Variants in MADD observed in about 807,000 individuals in gnomAD.
MADD encodes MAP kinase activating death domain.
MADD carries 109 observed loss-of-function variants against 176.7 expected under a neutral mutation model. The ratio of observed to expected loss-of-function variants is 0.62; its 90% confidence interval spans 0.53 to 0.72. MADD has a LOEUF of 0.72. MADD is among the 30% of genes least tolerant of loss of function. The pLI is 0.00. For synonymous variants in MADD, 771 were observed against 771.3 expected, an observed-to-expected ratio of 1.00 and a Z score of 0.01; for missense variants, 1,914 against 2,045.5, an observed-to-expected ratio of 0.94 and a Z score of 1.24.
At chr11:47,316,687 C>A (rs1475115647) in intron 27 of MADD, among the ~76,000 whole-genome samples, 1 of 152,104 alleles carries the variant, frequency 6.6e-6, no homozygotes, top group Non-Finnish European at 1.5e-5. Flanking sequence ...GTGCACCCGG[C>A]CTTCCAGTGG....
chr11:47,313,881 T>TCC (rs1242712091), intron 26 of MADD, among the ~76,000 whole-genome samples: 1 of 152,010 alleles, frequency 6.6e-6, no homozygotes, highest in Non-Finnish European at 1.5e-5. Flanking sequence ...TGCCTCAGCC[T>TCC]CATGAGTAGC....
Position 47,286,472 on chromosome 11 carries a change from C to A in MADD, c.2591C>A (p.Ser864Ter), listed in dbSNP as rs369335275. 2.5e-6 allele frequency: 4 copies of A among 1,614,074 alleles called. No homozygotes were observed. The highest frequency in any genetic ancestry group is 3.4e-6 in the Non-Finnish European group (4 of 1,180,022). ...AACCACAGTACCAGCTTCAGTCTTTCAAACCTCACACTGCCCACCAAAGGT... is the reference window on the plus strand; with the variant it reads ...AACCACAGTACCAGCTTCAGTCTTTAAAACCTCACACTGCCCACCAAAGGT... Residue 864 changes from serine to a stop codon, truncating the protein, a stop_gained, in exon 15 of 33, where the codon TCA becomes TAA. Coordinates refer to ENST00000402192, the Ensembl canonical transcript of MADD. LOFTEE classifies it high-confidence loss of function.
At position 47,275,972 on chromosome 11, in the gene MADD, C is replaced by T. The variant is rs1342150584; in HGVS notation, c.733C>T (p.Arg245Ter). ...GTCAAGTGCCCTTCTGCATGACCTT[C>T]GAGAGATTGAGGCCTGGATCTATCG... Residue 245 changes from arginine to a stop codon, truncating the protein, a stop_gained, in exon 4 of 33, where the codon CGA becomes TGA. Coordinates refer to ENST00000402192, the Ensembl canonical transcript of MADD. LOFTEE classifies it high-confidence loss of function. 4.3e-6 allele frequency: 7 copies of T among 1,614,080 alleles called. No homozygotes were observed. The highest frequency in any genetic ancestry group is 1.7e-5 in the Admixed American group (1 of 60,004).
exon 3 of MADD, chr11:47,274,916 G>T: frequency 6.2e-7 from 1 of 1,613,812 alleles, no homozygotes; most frequent in Non-Finnish European, 8.5e-7. Flanking sequence ...TCAGAGAGTG[G>T]CTCATCCCTG....
chr11:47,276,184 C>T (rs1054434315), exon 4 of MADD: 11 of 1,610,512 alleles, frequency 6.8e-6, no homozygotes, highest in African/African-American at 1.3e-5. Context: ...TGCTAACCTG[C>T]ATTCTGTTAG....
chr11:47,299,584 G>GTTT (rs1565442765), intron 22 of MADD, among the ~76,000 whole-genome samples: 14 of 65,230 alleles, frequency 2.1e-4, no homozygotes, highest in Non-Finnish European at 2.5e-4. Context: ...AGATTTTAGG[G>GTTT]CTTTTTTTTT....
chr11:47,303,239 G>GT (rs35658298), intron 22 of MADD, among the ~76,000 whole-genome samples: 29,985 of 108,244 alleles, frequency 0.28, 5,429 homozygotes, highest in Non-Finnish European at 0.38. Flanking sequence ...TTCTCTTGCT[G>GT]TTTTTTTTTT....
chr11:47,327,699 C>A, intron 31 of MADD: 1 of 985,452 alleles, frequency 1.0e-6, no homozygotes, highest in Non-Finnish European at 1.2e-6. Context: ...CCTGGGGCTT[C>A]TTGCTCTACC....
At chr11:47,284,536 C>T (rs768749519) in exon 12 of MADD, 1 of 1,614,080 alleles carries the variant, frequency 6.2e-7, no homozygotes, top group African/African-American at 1.3e-5. Flanking sequence ...CAGCAGCAGC[C>T]CCAGCACTGT....
chr11:47,276,314 T>C (rs894726863), intron 4 of MADD, 112 bp downstream of exon 4: 6 of 1,076,840 alleles, frequency 5.6e-6, no homozygotes, highest in Non-Finnish European at 7.8e-6. Context: ...CTTTTTGTCT[T>C]CAGGAGGTAA....
intron 22 of MADD, among the ~76,000 whole-genome samples, chr11:47,299,038 A>G (rs1024021836): frequency 8.5e-5 from 13 of 152,144 alleles, no homozygotes; most frequent in Admixed American, 1.3e-4. Flanking sequence ...CCATTGGTCT[A>G]TGGGTCTGTT....
intron 25 of MADD, among the ~76,000 whole-genome samples, chr11:47,310,150 A>C (rs919568640): frequency 6.7e-6 from 1 of 149,120 alleles, no homozygotes; most frequent in African/African-American, 2.5e-5. Context: ...CCAAGAACTG[A>C]TGATTCCATA....
At chr11:47,288,374 AAAAGG>A (rs2062392519) in intron 15 of MADD, among the ~76,000 whole-genome samples, 1 of 152,260 alleles carries the variant, frequency 6.6e-6, no homozygotes. Flanking sequence ...ATAAATGGGC[AAAAGG>A]ACATCAGAGC....
In MADD at chr11:47,325,965, A is replaced by G. The variant is rs572112362; in HGVS notation, c.4543-773A>G. ...AGCGACCTGCCCCCTATTCTGCCAC[A>G]CAGTGTTCAGTTGGAGTGGAGGAGG... is the stretch of plus-strand genomic sequence containing the variant. On this transcript the variant is annotated intron_variant, in intron 30 of 32. Coordinates refer to ENST00000402192, the Ensembl canonical transcript of MADD. The surrounding 1 kb of genome is among the most constrained non-coding windows in gnomAD (Gnocchi z 4.5). Among the ~76,000 whole-genome samples the G allele has an allele frequency of 9.8e-5, 15 of 152,332 alleles. No homozygotes were observed. Among genetic ancestry groups the G allele is most frequent in the South Asian group, 8.3e-4 (4 of 4,828 alleles).
chr11:47,306,921 C>T (rs1037751316), intron 22 of MADD, among the ~76,000 whole-genome samples: 1 of 152,018 alleles, frequency 6.6e-6, no homozygotes, highest in African/African-American at 2.4e-5. Context: ...AGGTCTTGCT[C>T]TGGTGCCCAG....
chr11:47,324,575 C>T lies in MADD; in HGVS notation c.4540C>T (p.Gln1514Ter). 6 of 1,609,948 alleles carry T rather than the reference C, an allele frequency of 3.7e-6. No individual in the cohort carries two copies. Among genetic ancestry groups the T allele is most frequent in the Non-Finnish European group, 4.2e-6 (5 of 1,176,910 alleles). The stretch of plus-strand genomic sequence containing the variant: ...GATCAACCTCAAATTCATGCACAAT[C>T]AGGTAGGTGCGAGCGGCAGCACGAG... Residue 1514 changes from glutamine (Q) to a stop codon, truncating the protein, a stop_gained and splice_region_variant, in exon 30 of 33, where the codon CAG becomes TAG. Coordinates refer to ENST00000402192, the Ensembl canonical transcript of MADD. LOFTEE classifies it high-confidence loss of function.
At chr11:47,327,884 C>T in intron 31 of MADD, 1 of 985,360 alleles carries the variant, frequency 1.0e-6, no homozygotes, top group African/African-American at 1.7e-5. Flanking sequence ...GGGCCTACTC[C>T]TTCCTCTGGC....
intron 22 of MADD, among the ~76,000 whole-genome samples, chr11:47,304,947 A>G (rs972915963): frequency 2.0e-5 from 3 of 152,136 alleles, no homozygotes; most frequent in Admixed American, 1.3e-4. Context: ...TGGGAAGGGT[A>G]TGGCAACTCT....
intron 22 of MADD, among the ~76,000 whole-genome samples, chr11:47,303,493 C>T (rs572112900): frequency 7.8e-4 from 119 of 152,196 alleles, no homozygotes; most frequent in Middle Eastern, 6.8e-3. Flanking sequence ...CTGCCTCGGC[C>T]TCCCAAAGTG....
Sources: gnomAD v4.1 joint callset for allele counts (sites outside exome capture counted in the v4.1 genomes callset) on GRCh38, gnomAD v4.1.1 for gene constraint, Gnocchi (gnomAD v3.1) non-coding constraint, MANE v1.5 for transcripts, NCBI Gene and HGNC (gene_info 2026-07-23, HGNC 2026-07-21) for gene names.